Variants in KLHL1 observed in about 807,000 individuals in gnomAD.
The protein encoded by KLHL1 is kelch like family member 1.
Under a neutral mutation model 77.7 loss-of-function variants are expected in KLHL1, and 47 were observed. The ratio of observed to expected loss-of-function variants is 0.60; its 90% CI spans 0.48 to 0.77. The LOEUF (loss-of-function observed/expected upper bound fraction) is 0.77, where lower values mean the gene tolerates loss of function less well. KLHL1 is among the 30% of genes least tolerant of loss of function. KLHL1 has a pLI of 0.00. For missense variants in KLHL1, 925 were observed against 910.8 expected, an observed-to-expected ratio of 1.02 and a Z score of -0.20; for synonymous variants, 360 against 325.2, an observed-to-expected ratio of 1.11 and a Z score of -1.15.
intron 1 of KLHL1, among the ~76,000 whole-genome samples, chr13:70,073,804 T>G (rs1251252085): frequency 2.0e-5 from 3 of 151,236 alleles, no homozygotes; most frequent in Non-Finnish European, 4.4e-5. Flanking sequence ...AAAGAAAAAT[T>G]GAAATGCAGG....
At chr13:69,814,943 G>A (rs112706128) in intron 6 of KLHL1, among the ~76,000 whole-genome samples, 4,478 of 152,048 alleles carry the variant, frequency 0.029, 227 homozygotes, top group African/African-American at 0.1. Flanking sequence ...CCCAGGAGGC[G>A]GAGGTTGCAG....
At chr13:70,009,908 GA>G (rs1885490381) in intron 1 of KLHL1, among the ~76,000 whole-genome samples, 1 of 151,406 alleles carries the variant, frequency 6.6e-6, no homozygotes, top group East Asian at 1.9e-4. Context: ...CTAATCAATA[GA>G]AAAAAATCTG....
chr13:69,892,266 T>C (rs906308496), intron 4 of KLHL1, among the ~76,000 whole-genome samples: 5 of 152,284 alleles, frequency 3.3e-5, no homozygotes, highest in Admixed American at 2.6e-4. Flanking sequence ...AAGAAAATAG[T>C]ATCATTGAAA....
chr13:69,708,932 A>G (rs1593761454), intron 9 of KLHL1, among the ~76,000 whole-genome samples: 1 of 152,034 alleles, frequency 6.6e-6, no homozygotes, highest in African/African-American at 2.4e-5. Context: ...TCCTAAAACA[A>G]ATGAAGAAAT....
chr13:69,908,943 A>G (rs1882138603), intron 4 of KLHL1, among the ~76,000 whole-genome samples: 1 of 149,914 alleles, frequency 6.7e-6, no homozygotes, highest in Non-Finnish European at 1.5e-5. Context: ...CTAATTTACT[A>G]GGTATAATAA....
At chr13:70,068,254 T>C (rs1161269090) in intron 1 of KLHL1, among the ~76,000 whole-genome samples, 1 of 151,790 alleles carries the variant, frequency 6.6e-6, no homozygotes, top group African/African-American at 2.4e-5. Context: ...GGCAGGAGAA[T>C]GGCGTGAACC....
intron 4 of KLHL1, among the ~76,000 whole-genome samples, chr13:69,936,735 C>T (rs2138293112): frequency 6.6e-6 from 1 of 151,920 alleles, no homozygotes; most frequent in South Asian, 2.1e-4. Flanking sequence ...GTTTAAACAG[C>T]CATTGAAAAA....
At chr13:69,717,062 T>C (rs1330340274) in intron 9 of KLHL1, among the ~76,000 whole-genome samples, 1 of 152,136 alleles carries the variant, frequency 6.6e-6, no homozygotes. Flanking sequence ...GTGCCAGTAT[T>C]ATTTGTGCTT....
chr13:69,718,901 G>T (rs112235467), intron 9 of KLHL1, among the ~76,000 whole-genome samples: 3,295 of 152,108 alleles, frequency 0.022, 125 homozygotes, highest in African/African-American at 0.076. Flanking sequence ...TGTCATAAAA[G>T]AACTTGATAA....
intron 5 of KLHL1, among the ~76,000 whole-genome samples, chr13:69,844,436 T>C (rs563556570): frequency 1.3e-5 from 2 of 151,836 alleles, no homozygotes; most frequent in African/African-American, 4.8e-5. Flanking sequence ...AACCTATTGT[T>C]GTATATTTTT....
chr13:69,939,348 T>TACATAC (rs1566424619), intron 4 of KLHL1, among the ~76,000 whole-genome samples: 1 of 41,302 alleles, frequency 2.4e-5, no homozygotes, highest in African/African-American at 1.1e-4. Flanking sequence ...TACATATATA[T>TACATAC]ATATATATAT....
intron 4 of KLHL1, among the ~76,000 whole-genome samples, chr13:69,901,307 T>G (rs1342892158): frequency 6.6e-6 from 1 of 152,224 alleles, no homozygotes; most frequent in Non-Finnish European, 1.5e-5. Flanking sequence ...TAATATTTAT[T>G]TTACTGTGCA....
chr13:70,022,423 T>A (rs533525663), intron 1 of KLHL1, among the ~76,000 whole-genome samples: 44 of 151,882 alleles, frequency 2.9e-4, no homozygotes, highest in African/African-American at 8.0e-4. Flanking sequence ...TGAGAAAAAA[T>A]ATTATATACA....
chr13:69,901,598 T>A (rs1286418424), intron 4 of KLHL1, among the ~76,000 whole-genome samples: 2 of 152,094 alleles, frequency 1.3e-5, no homozygotes, highest in Non-Finnish European at 2.9e-5. Context: ...AAGTGATGTG[T>A]TTACAATCTT....
chr13:69,967,458 G>A (rs184064969), intron 2 of KLHL1, among the ~76,000 whole-genome samples: 3 of 152,234 alleles, frequency 2.0e-5, no homozygotes, highest in Non-Finnish European at 1.5e-5. Context: ...CTGAATTGCC[G>A]CAATGTCATG....
chr13:69,771,803 T>A (rs146110905), intron 7 of KLHL1, among the ~76,000 whole-genome samples: 1 of 152,298 alleles, frequency 6.6e-6, no homozygotes, highest in East Asian at 1.9e-4. Context: ...GTGTAATATT[T>A]GTCTTTTACT....
At chr13:69,765,560 ATG>A (rs1875261490) in intron 7 of KLHL1, among the ~76,000 whole-genome samples, 1 of 152,168 alleles carries the variant, frequency 6.6e-6, no homozygotes, top group Non-Finnish European at 1.5e-5. Flanking sequence ...CCGTGTCACA[ATG>A]TCCATGTCAC....
chr13:69,793,587 C>T (rs2138032387), intron 7 of KLHL1, among the ~76,000 whole-genome samples: 1 of 148,396 alleles, frequency 6.7e-6, no homozygotes, highest in East Asian at 1.9e-4. Context: ...TAAAATTTTA[C>T]TTTAGACTCT....
intron 1 of KLHL1, among the ~76,000 whole-genome samples, chr13:70,024,585 T>C (rs1195246782): frequency 1.4e-5 from 2 of 138,230 alleles, no homozygotes; most frequent in African/African-American, 5.0e-5. Context: ...CAATGCCCCA[T>C]TGCAAGATTC....
Sources: gnomAD v4.1 joint callset for allele counts (sites outside exome capture counted in the v4.1 genomes callset) on GRCh38, gnomAD v4.1.1 for gene constraint, MANE v1.5 for transcripts, NCBI Gene and HGNC (gene_info 2026-07-23, HGNC 2026-07-21) for gene names.